Variants in ROBO2 observed in about 807,000 individuals in gnomAD.
ROBO2 encodes the protein roundabout guidance receptor 2.
In ROBO2, 53 loss-of-function variants were observed where a neutral mutation model predicts 160.8. The observed-to-expected ratio is 0.33, with a 90% CI of 0.26 to 0.41. The LOEUF (loss-of-function observed/expected upper bound fraction) is 0.41, where lower values mean the gene tolerates loss of function less well. Among genes scored for constraint, ROBO2 ranks in the 10% least tolerant of loss-of-function variants. The pLI is 1.00. For synonymous variants in ROBO2, 664 were observed against 611.7 expected, an observed-to-expected ratio of 1.09 and a Z score of -1.26; for missense variants, 1,577 against 1,722.4, an observed-to-expected ratio of 0.92 and a Z score of 1.49.
intron 2 of ROBO2, among the ~76,000 whole-genome samples, chr3:77,472,865 G>T (rs1278593949): frequency 1.3e-5 from 2 of 152,080 alleles, no homozygotes; most frequent in Non-Finnish European, 2.9e-5. Flanking sequence ...GGGAACCCTT[G>T]TATATTTTGT....
At chr3:76,842,271 C>T (rs2068356296) in intron 2 of ROBO2, among the ~76,000 whole-genome samples, 1 of 152,204 alleles carries the variant, frequency 6.6e-6, no homozygotes. Context: ...CATCCTCATT[C>T]ATGACTGCAG....
chr3:76,088,441 G>T (rs78687811), intron 2 of ROBO2, among the ~76,000 whole-genome samples: 3,817 of 151,844 alleles, frequency 0.025, 141 homozygotes, highest in African/African-American at 0.08. Flanking sequence ...CACATAGAAG[G>T]TTCACCAAGA....
In ROBO2 at chr3:75,981,727, T is replaced by G. The variant is rs185834044; in HGVS notation, c.109+44125T>G. ...TGTGAAATAAGTACATCATGGAGAA[T>G]GGGGTATCCATTCCCTAAGCACTTA... On this transcript the variant is annotated intron_variant, in intron 2 of 26. Transcript: ENST00000487694. Among the ~76,000 whole-genome samples, 391 of 151,504 alleles carry G rather than the reference T, an allele frequency of 2.6e-3. 1 individual carries two copies. The highest frequency in any genetic ancestry group is 4.3e-3 in the Non-Finnish European group (290 of 67,560).
At chr3:77,579,866 A>C (rs1443675621) in intron 15 of ROBO2, 81 bp from the exon 17 acceptor site, 32 of 1,309,332 alleles carry the variant, frequency 2.4e-5, no homozygotes, top group Non-Finnish European at 3.3e-5. Context: ...ATGATTAAAA[A>C]ATATTTGATC....
chr3:76,633,686 G>C (rs1459850628), intron 2 of ROBO2, among the ~76,000 whole-genome samples: 2 of 152,152 alleles, frequency 1.3e-5, no homozygotes, highest in African/African-American at 4.8e-5. Context: ...TCTACGCCAG[G>C]CATGTCCTAA....
intron 2 of ROBO2, among the ~76,000 whole-genome samples, chr3:76,272,864 A>AATATATATTTATATAT: frequency 1.1e-5 from 1 of 87,028 alleles, no homozygotes; most frequent in African/African-American, 5.1e-5. Flanking sequence ...TAAAATATAT[A>AATATATATTTATATAT]AAATATATAA....
chr3:77,293,697 T>C (rs1251124183), intron 2 of ROBO2, among the ~76,000 whole-genome samples: 6 of 139,072 alleles, frequency 4.3e-5, no homozygotes, highest in African/African-American at 1.5e-4. Context: ...AAGTTGAGGC[T>C]AGAACAGTAA....
intron 2 of ROBO2, among the ~76,000 whole-genome samples, chr3:77,420,781 T>G (rs796841179): frequency 2.0e-5 from 3 of 152,146 alleles, no homozygotes; most frequent in African/African-American, 7.2e-5. Context: ...AGAATGGAAG[T>G]GATTTGAAGA....
At chr3:77,572,496 C>T (rs979750345) in intron 13 of ROBO2, among the ~76,000 whole-genome samples, 3 of 149,904 alleles carry the variant, frequency 2.0e-5, no homozygotes, top group Non-Finnish European at 3.0e-5. Flanking sequence ...CACCTGGGCT[C>T]ACTTTTTTTT....
chr3:76,858,054 C>T (rs1203948803), intron 2 of ROBO2, among the ~76,000 whole-genome samples: 2 of 151,954 alleles, frequency 1.3e-5, no homozygotes, highest in Non-Finnish European at 2.9e-5. Flanking sequence ...CCTTATGGCC[C>T]CCATTCCCTG....
At chr3:77,289,085 A>C (rs571891223) in intron 2 of ROBO2, among the ~76,000 whole-genome samples, 1 of 152,304 alleles carries the variant, frequency 6.6e-6, no homozygotes, top group South Asian at 2.1e-4. Context: ...AAAATCATAT[A>C]CAGGCACTTG....
intron 2 of ROBO2, among the ~76,000 whole-genome samples, chr3:77,327,184 G>A (rs2065482280): frequency 1.3e-5 from 2 of 152,130 alleles, no homozygotes; most frequent in African/African-American, 4.8e-5. Flanking sequence ...TCTCAATGTA[G>A]CCGAATATAC....
intron 2 of ROBO2, among the ~76,000 whole-genome samples, chr3:76,186,834 T>G (rs1404726424): frequency 2.0e-5 from 3 of 152,106 alleles, no homozygotes; most frequent in African/African-American, 4.8e-5. Flanking sequence ...CTCTTCAAAG[T>G]CATTAACAAC....
chr3:76,023,023 C>T (rs2066620966), intron 2 of ROBO2, among the ~76,000 whole-genome samples: 1 of 151,778 alleles, frequency 6.6e-6, no homozygotes, highest in Admixed American at 6.6e-5. Context: ...CACACTAGTT[C>T]ACCTTGCACT....
At chr3:77,417,532 T>C (rs1048412945) in intron 2 of ROBO2, among the ~76,000 whole-genome samples, 3 of 152,120 alleles carry the variant, frequency 2.0e-5, no homozygotes, top group Non-Finnish European at 4.4e-5. Context: ...TCTTATTGCA[T>C]TGTCTCAGTC....
intron 2 of ROBO2, among the ~76,000 whole-genome samples, chr3:77,294,307 G>T (rs553831008): frequency 2.8e-5 from 4 of 143,522 alleles, no homozygotes; most frequent in Admixed American, 7.3e-5. Context: ...TAAAATTGAC[G>T]GTTAAACGGG....
intron 2 of ROBO2, among the ~76,000 whole-genome samples, chr3:76,750,517 G>A (rs945209106): frequency 6.6e-6 from 1 of 152,134 alleles, no homozygotes; most frequent in Non-Finnish European, 1.5e-5. Context: ...GTCCCTGTTT[G>A]CAGATGACAT....
At chr3:77,434,625 C>T (rs1287898961) in intron 2 of ROBO2, among the ~76,000 whole-genome samples, 1 of 151,708 alleles carries the variant, frequency 6.6e-6, no homozygotes, top group Non-Finnish European at 1.5e-5. Flanking sequence ...AGACCATGTA[C>T]TGCGATACAC....
chr3:77,317,332 G>A lies in ROBO2; in HGVS notation c.389-160082G>A, dbSNP rs1311493566. The stretch of plus-strand genomic sequence containing the variant: ...GAATGCAAGGTCAGCCTCAGGCCAC[G>A]TGCAAGCTGACCGTCCACGCTCATC... On this transcript the variant is annotated intron_variant, in intron 2 of 25. Coordinates refer to ENST00000461745, the Ensembl canonical transcript of ROBO2. 1.9e-5 allele frequency: 15 copies of A among 784,186 alleles called. No individual in the cohort carries two copies. In the Admixed American group the frequency reaches 2.5e-4, roughly 13 times the overall value. 48.6% of individuals were successfully genotyped at this position (784,186 alleles called of 1,614,324 possible).
Sources: allele counts gnomAD v4.1 joint callset (sites outside exome capture counted in the v4.1 genomes callset), GRCh38; gene constraint gnomAD v4.1.1; transcripts MANE v1.5; gene names NCBI Gene and HGNC (gene_info 2026-07-23, HGNC 2026-07-21).